The following LRRC28 variants were observed in gnomAD, a reference collection of about 807,000 sequenced individuals.
LRRC28 encodes leucine rich repeat containing 28.
LRRC28 carries 39 observed loss-of-function variants against 45.7 expected under a neutral mutation model. That is an observed-to-expected ratio of 0.85 (90% CI 0.66 to 1.12). The LOEUF is 1.12. Among genes scored for constraint, LRRC28 ranks in the 50% most tolerant of loss-of-function variants. The pLI is 0.00. For synonymous variants in LRRC28, 206 were observed against 178.8 expected, an observed-to-expected ratio of 1.15 and a Z score of -1.22; for missense variants, 435 against 438.5, an observed-to-expected ratio of 0.99 and a Z score of 0.07.
intron 8 of LRRC28, among the ~76,000 whole-genome samples, chr15:99,362,451 A>G (rs1446842184): frequency 3.3e-5 from 5 of 152,206 alleles, no homozygotes; most frequent in Admixed American, 2.6e-4. Flanking sequence ...GATGCTCATC[A>G]TCAGTAGAAA....
intron 3 of LRRC28, chr15:99,284,893 C>T: frequency 1.7e-6 from 1 of 584,432 alleles, no homozygotes; most frequent in Admixed American, 1.9e-5. Flanking sequence ...CCATGGCTGC[C>T]ACCAAACCCA....
chr15:99,288,528 C>G (rs571659265), intron 5 of LRRC28, among the ~76,000 whole-genome samples: 21 of 151,926 alleles, frequency 1.4e-4, no homozygotes, highest in African/African-American at 5.1e-4. Flanking sequence ...ATTACAGGCG[C>G]GTGCCACCAC....
intron 2 of LRRC28, among the ~76,000 whole-genome samples, chr15:99,274,578 T>C (rs1399589361): frequency 1.3e-5 from 2 of 152,198 alleles, no homozygotes; most frequent in Non-Finnish European, 2.9e-5. Context: ...GATCTTAAAA[T>C]TCAATTTTAA....
rs1025437996 is a variant in LRRC28 at position 99,259,194 on chromosome 15, A to T, written c.168+3069A>T. 28 of 1,108,636 alleles carry T rather than the reference A, an allele frequency of 2.5e-5. No homozygotes were observed. The African/African-American group carries it at 3.5e-4, about 14-fold the overall frequency. 68.7% of individuals were successfully genotyped at this position (1,108,636 alleles called of 1,614,324 possible). On this transcript the variant is annotated intron_variant, in intron 2 of 9. Coordinates refer to ENST00000301981, the MANE Select transcript of LRRC28 (RefSeq NM_144598.5). ...GCTGACATTACTAGCCTACACCAGGATGTTGAAAGAATGAAGGAAAAACAA... is the reference window on the plus strand; with the variant it reads ...GCTGACATTACTAGCCTACACCAGGTTGTTGAAAGAATGAAGGAAAAACAA...
At chr15:99,316,027 A>G (rs761621113) in intron 5 of LRRC28, among the ~76,000 whole-genome samples, 11 of 152,216 alleles carry the variant, frequency 7.2e-5, no homozygotes, top group African/African-American at 1.2e-4. Context: ...TAAAGCATCA[A>G]ATTAACAACT....
intron 2 of LRRC28, among the ~76,000 whole-genome samples, chr15:99,268,427 G>C (rs965523756): frequency 6.6e-6 from 1 of 152,150 alleles, no homozygotes; most frequent in African/African-American, 2.4e-5. Context: ...TCTTAGAACA[G>C]ACCATTATCT....
At chr15:99,264,952 A>G (rs755678371) in intron 2 of LRRC28, among the ~76,000 whole-genome samples, 15 of 152,204 alleles carry the variant, frequency 9.9e-5, no homozygotes, top group Non-Finnish European at 1.6e-4. Flanking sequence ...AAGGGAGAAC[A>G]GGTGGAAAGA....
rs1484174270 is a variant in LRRC28 at position 99,259,352 on chromosome 15, C to T, written c.168+3227C>T. 7.8e-6 allele frequency: 12 copies of T among 1,543,574 alleles called. No homozygotes were observed. In the Admixed American group the frequency reaches 1.3e-4, roughly 17 times the overall value. On this transcript the variant is annotated intron_variant, in intron 2 of 9. Coordinates refer to ENST00000301981, the MANE Select transcript of LRRC28 (RefSeq NM_144598.5). The stretch of plus-strand genomic sequence containing the variant: ...TGTGGTTGAATACTGCATTCAGGCC[C>T]TTCCCGAATTTGATGGGAAGAGGTT...
In LRRC28 at chr15:99,293,608, A is replaced by C. The variant is rs1219385174; in HGVS notation, c.385+5657A>C. The stretch of plus-strand genomic sequence containing the variant: ...AACTCTGTCACAAAAAAAAAAAAAA[A>C]AAAAAAAAAAAAAAAAAAAAAAAAA... On this transcript the variant is annotated intron_variant, in intron 5 of 9. Coordinates refer to ENST00000301981, the MANE Select transcript of LRRC28 (RefSeq NM_144598.5). 1.4e-3 allele frequency among the ~76,000 whole-genome samples: 174 copies of C among 127,462 alleles called. 3 individuals carry two copies. The highest frequency in any genetic ancestry group is 5.9e-3 in the African/African-American group (164 of 27,986). 83.6% of individuals were successfully genotyped at this position (127,462 alleles called of 152,430 possible). A position where few individuals can be genotyped will look rare whatever the true frequency, so the allele number is the denominator to read the frequency against.
chr15:99,280,416 A>G (rs1186113346), intron 3 of LRRC28, among the ~76,000 whole-genome samples: 1 of 146,164 alleles, frequency 6.8e-6, no homozygotes, highest in Non-Finnish European at 1.5e-5. Context: ...CCCACCCCAA[A>G]GTCTTACAGT....
At chr15:99,385,218 G>A (rs920718574) in intron 9 of LRRC28, among the ~76,000 whole-genome samples, 2 of 152,170 alleles carry the variant, frequency 1.3e-5, no homozygotes, top group African/African-American at 2.4e-5. Flanking sequence ...GGTGCCTCTC[G>A]CTGGCCTAAC....
intron 9 of LRRC28, among the ~76,000 whole-genome samples, chr15:99,377,975 A>G (rs1382413094): frequency 2.0e-5 from 3 of 152,164 alleles, no homozygotes; most frequent in Non-Finnish European, 4.4e-5. Context: ...GTCAGGTAGC[A>G]TGATGCCTCC....
chr15:99,377,548 T>G (rs1245621738), intron 9 of LRRC28, among the ~76,000 whole-genome samples: 2 of 152,208 alleles, frequency 1.3e-5, no homozygotes. Flanking sequence ...TTAGTTTAAA[T>G]AGATCCCATT....
chr15:99,322,475 C>T (rs1597343205), intron 5 of LRRC28, among the ~76,000 whole-genome samples: 1 of 151,884 alleles, frequency 6.6e-6, no homozygotes, highest in East Asian at 1.9e-4. Context: ...TCTTATGGGG[C>T]CCTCACCTAC....
chr15:99,321,257 A>G (rs1360962391), intron 5 of LRRC28, among the ~76,000 whole-genome samples: 1 of 152,148 alleles, frequency 6.6e-6, no homozygotes, highest in Non-Finnish European at 1.5e-5. Flanking sequence ...CTGGTTTATG[A>G]TCTTGAAGGG....
intron 2 of LRRC28, among the ~76,000 whole-genome samples, chr15:99,260,218 T>G (rs2081157184): frequency 6.6e-6 from 1 of 152,212 alleles, no homozygotes; most frequent in African/African-American, 2.4e-5. Flanking sequence ...TGTAAATTTG[T>G]ACTATTTAAC....
At chr15:99,348,614 T>G (rs1956770696) in intron 6 of LRRC28, among the ~76,000 whole-genome samples, 1 of 152,142 alleles carries the variant, frequency 6.6e-6, no homozygotes, top group African/African-American at 2.4e-5. Context: ...TGGTCTAGGT[T>G]TCTGTTTTTA....
At chr15:99,348,746 T>G (rs377237218) in intron 6 of LRRC28, among the ~76,000 whole-genome samples, 1 of 121,748 alleles carries the variant, frequency 8.2e-6, no homozygotes, top group Non-Finnish European at 1.7e-5. Flanking sequence ...TTTTTTTTGT[T>G]GTTTTTTTTT....
At chr15:99,372,355 G>A (rs1957507432) in intron 9 of LRRC28, among the ~76,000 whole-genome samples, 1 of 152,184 alleles carries the variant, frequency 6.6e-6, no homozygotes, top group South Asian at 2.1e-4. Context: ...TGTCATGTCT[G>A]ATGTTCTTTG....
Sources: gnomAD v4.1 joint callset for allele counts (sites outside exome capture counted in the v4.1 genomes callset) on GRCh38, gnomAD v4.1.1 for gene constraint, MANE v1.5 for transcripts, NCBI Gene and HGNC (gene_info 2026-07-23, HGNC 2026-07-21) for gene names.